YJU2B: variants seen among roughly 807,000 people sequenced by gnomAD.
The protein encoded by YJU2B is YJU2 splicing factor homolog B.
A neutral mutation model predicts 38.0 loss-of-function variants in YJU2B; 18 were observed. That is an observed-to-expected ratio of 0.47 (90% CI 0.33 to 0.70). The LOEUF (loss-of-function observed/expected upper bound fraction) is 0.70. Among genes scored for constraint, YJU2B ranks in the 30% least tolerant of loss-of-function variants. The pLI is 0.02. For synonymous variants in YJU2B, 246 were observed against 225.4 expected, an observed-to-expected ratio of 1.09 and a Z score of -0.82; for missense variants, 538 against 556.3, an observed-to-expected ratio of 0.97 and a Z score of 0.33.
chr19:13,752,829 C>T (rs1449552466), intron 2 of YJU2B, among the ~76,000 whole-genome samples: 1 of 151,786 alleles, frequency 6.6e-6, no homozygotes, highest in Non-Finnish European at 1.5e-5. Context: ...ACGAGGATTG[C>T]TTGAACTCAG....
chr19:13,746,015 G>T (rs1283839176), upstream of YJU2B, among the ~76,000 whole-genome samples: 1 of 152,030 alleles, frequency 6.6e-6, no homozygotes, highest in East Asian at 1.9e-4. Context: ...ACTTTGGGAG[G>T]CCAAGGCGGG....
At chr19:13,733,005 C>T (rs552689893) in intron 2 of YJU2B, among the ~76,000 whole-genome samples, 2 of 151,458 alleles carry the variant, frequency 1.3e-5, no homozygotes, top group East Asian at 3.9e-4. Flanking sequence ...TCTCGGCTCA[C>T]TGCAAGCTCT....
At chr19:13,745,646 C>CATAGATAGATAGATAGATAGATAGATAG (rs1555699801), upstream of YJU2B, among the ~76,000 whole-genome samples, 16 of 116,394 alleles carry the variant, frequency 1.4e-4, no homozygotes, top group East Asian at 7.6e-4. Context: ...AGCAAAACTC[C>CATAGATAGATAGATAGATAGATAGATAG]ATAGATAGAT....
At chr19:13,733,622 G>A (rs1972874292) in intron 2 of YJU2B, among the ~76,000 whole-genome samples, 1 of 152,180 alleles carries the variant, frequency 6.6e-6, no homozygotes, top group South Asian at 2.1e-4. Flanking sequence ...TCGGGAGGCT[G>A]AAGCAGGAGA....
chr19:13,745,694 T>G (rs200663853), upstream of YJU2B, among the ~76,000 whole-genome samples: 63 of 37,132 alleles, frequency 1.7e-3, 2 homozygotes, highest in Middle Eastern at 0.023. Flanking sequence ...TAGATAGATA[T>G]AGATATATAG....
rs200842980 is a variant in YJU2B, at chr19:13,762,458, A to G, written c.712+21A>G. The G allele has an allele frequency of 2.7e-4, 439 of 1,608,302 alleles. 1 individual carries two copies. In the African/African-American group the frequency reaches 5.3e-3, roughly 19 times the overall value. On this transcript the variant is annotated intron_variant, in intron 9 of 9. Transcript: ENST00000221554. ...GGACTGTGCGTAGGAGGCCAGGGGG[A>G]AAAGGGGACAGGGAGGCTCAGAGTT...
upstream of YJU2B, among the ~76,000 whole-genome samples, chr19:13,743,696 C>G (rs1973155039): frequency 6.8e-6 from 1 of 146,230 alleles, no homozygotes; most frequent in Non-Finnish European, 1.5e-5. Flanking sequence ...AGTTCGAGAC[C>G]AGCCTGGCCA....
At chr19:13,747,636 T>A (rs1973290911), upstream of YJU2B, 1 of 152,400 alleles carries the variant, frequency 6.6e-6, no homozygotes, top group African/African-American at 2.4e-5. Flanking sequence ...ACACCCTCGC[T>A]GACCGGCTGC....
At chr19:13,748,927 T>C (rs1973351209) in intron 1 of YJU2B, among the ~76,000 whole-genome samples, 1 of 152,218 alleles carries the variant, frequency 6.6e-6, no homozygotes, top group Non-Finnish European at 1.5e-5. Flanking sequence ...GAACAGTTTA[T>C]ATCCGGGACT....
chr19:13,760,803 G>A (rs543027850), intron 8 of YJU2B, among the ~76,000 whole-genome samples: 21 of 151,982 alleles, frequency 1.4e-4, no homozygotes, highest in Admixed American at 4.6e-4. Context: ...ACTGAGTCTC[G>A]CTCGTCGCCC....
At chr19:13,748,307 C>G (rs1335669843) in intron 1 of YJU2B, among the ~76,000 whole-genome samples, 1 of 152,128 alleles carries the variant, frequency 6.6e-6, no homozygotes, top group Non-Finnish European at 1.5e-5. Context: ...ACTAAACTGC[C>G]AAACGTTTAA....
intron 2 of YJU2B, among the ~76,000 whole-genome samples, chr19:13,740,838 GACATTTTTATATTTGGTT>G: frequency 6.6e-6 from 1 of 151,898 alleles, no homozygotes; most frequent in African/African-American, 2.4e-5. Context: ...CCCGGCCTTA[GACATTTTTATATTTGGTT>G]TGTGGCTGTG....
upstream of YJU2B, among the ~76,000 whole-genome samples, chr19:13,743,551 G>C (rs1301553644): frequency 6.8e-6 from 1 of 147,904 alleles, no homozygotes; most frequent in Non-Finnish European, 1.5e-5. Context: ...CTGTACTCCA[G>C]CCTGGGCGAC....
At chr19:13,747,986 G>T (rs1437009656) in intron 1 of YJU2B, 32 bp downstream of exon 1, 2 of 152,218 alleles carry the variant, frequency 1.3e-5, no homozygotes, top group East Asian at 1.9e-4. Flanking sequence ...AGCGGGGAGG[G>T]CCGGGGGTCC....
chr19:13,736,482 A>G (rs1267158190), intron 2 of YJU2B, among the ~76,000 whole-genome samples: 1 of 149,334 alleles, frequency 6.7e-6, no homozygotes, highest in Non-Finnish European at 1.5e-5. Context: ...CTGGTCTTGA[A>G]CTCTGGACCT....
chr19:13,752,732 G>A (rs944485666), intron 2 of YJU2B, among the ~76,000 whole-genome samples: 1 of 151,714 alleles, frequency 6.6e-6, no homozygotes, highest in East Asian at 1.9e-4. Flanking sequence ...CAACGAAAGC[G>A]AAACTCCATC....
upstream of YJU2B, among the ~76,000 whole-genome samples, chr19:13,744,849 C>T (rs896524839): frequency 1.3e-5 from 2 of 152,024 alleles, no homozygotes; most frequent in African/African-American, 2.4e-5. Flanking sequence ...AAAAATTAGC[C>T]GGGTGTTGTG....
chr19:13,742,294 C>CTTTTTTTTTTT (rs552865402), intron 2 of YJU2B, among the ~76,000 whole-genome samples: 5 of 111,980 alleles, frequency 4.5e-5, no homozygotes, highest in African/African-American at 1.4e-4. Context: ...TTGAGTCCCA[C>CTTTTTTTTTTT]TTTTTTTTTT....
At chr19:13,742,748 C>T (rs758720856) in intron 2 of YJU2B, among the ~76,000 whole-genome samples, 2 of 152,250 alleles carry the variant, frequency 1.3e-5, no homozygotes, top group Non-Finnish European at 2.9e-5. Context: ...ATTCTCCCCT[C>T]TCTAGGAAGT....
Sources: gnomAD v4.1 joint callset for allele counts (sites outside exome capture counted in the v4.1 genomes callset) on GRCh38, gnomAD v4.1.1 for gene constraint, MANE v1.5 for transcripts, NCBI Gene and HGNC (gene_info 2026-07-23, HGNC 2026-07-21) for gene names.